Variants in CDKAL1 observed in about 807,000 individuals in gnomAD.
The protein encoded by CDKAL1 is threonylcarbamoyladenosine tRNA methylthiotransferase.
CDKAL1 carries 32 observed loss-of-function variants against 68.2 expected under a neutral mutation model. The observed-to-expected ratio is 0.47, with a 90% confidence interval of 0.35 to 0.63. The LOEUF is 0.63. Ranked by LOEUF, CDKAL1 falls within the 30% of genes least tolerant of loss-of-function variation. CDKAL1 has a pLI of 0.00. For missense variants in CDKAL1, 606 were observed against 696.7 expected, an observed-to-expected ratio of 0.87 and a Z score of 1.47; for synonymous variants, 234 against 244.3, an observed-to-expected ratio of 0.96 and a Z score of 0.39.
At chr6:20,623,948 C>G (rs9465837) in intron 4 of CDKAL1, among the ~76,000 whole-genome samples, 27,192 of 151,964 alleles carry the variant, frequency 0.18, 2,571 homozygotes, top group East Asian at 0.37. Flanking sequence ...ATGTAAATCT[C>G]TTTGATCCTG....
chr6:20,695,788 C>T (rs1485798962), intron 5 of CDKAL1, among the ~76,000 whole-genome samples: 1 of 151,944 alleles, frequency 6.6e-6, no homozygotes, highest in African/African-American at 2.4e-5. Context: ...ACATTTTATC[C>T]ATTTTTACCA....
At chr6:20,655,002 A>G (rs919857271) in intron 5 of CDKAL1, among the ~76,000 whole-genome samples, 1 of 152,178 alleles carries the variant, frequency 6.6e-6, no homozygotes, top group African/African-American at 2.4e-5. Flanking sequence ...GGAGAATTGA[A>G]TCTTCACAAT....
chr6:20,781,218 G>A lies in CDKAL1; in HGVS notation c.591G>A (p.Pro197=), dbSNP rs34113701. The part of the protein sequence containing the change: ...RRLGGARLDL[P]KIRKNPLIEI... Reference sequence around the variant, plus strand: ...TTGGGGGAGCACGATTGGATTTGCCGAAGATTAGGAAGAATCCACTGATAG... The same window carrying A: ...TTGGGGGAGCACGATTGGATTTGCCAAAGATTAGGAAGAATCCACTGATAG... The change falls in exon 8 of 16, where the codon CCG becomes CCA. Residue 197 remains proline (P), a synonymous_variant. Transcript: ENST00000274695. 535 of 1,613,458 alleles carry A rather than the reference G, an allele frequency of 3.3e-4. 2 individuals are homozygous for A. The African/African-American group carries it at 5.7e-3, about 17-fold the overall frequency.
chr6:21,114,058 C>CT (rs752167866), intron 13 of CDKAL1, among the ~76,000 whole-genome samples: 2 of 151,406 alleles, frequency 1.3e-5, no homozygotes, highest in Non-Finnish European at 2.9e-5. Flanking sequence ...ACCATCCTGG[C>CT]TAACGCAGTG....
intron 10 of CDKAL1, among the ~76,000 whole-genome samples, chr6:20,974,199 G>C (rs868562312): frequency 1.3e-5 from 2 of 152,178 alleles, no homozygotes; most frequent in Non-Finnish European, 2.9e-5. Flanking sequence ...TAGCATCCCA[G>C]GCTGCAGAAG....
intron 10 of CDKAL1, among the ~76,000 whole-genome samples, chr6:20,960,949 C>G (rs572309251): frequency 1.3e-5 from 2 of 152,326 alleles, no homozygotes; most frequent in East Asian, 3.9e-4. Context: ...CTCTTAACTT[C>G]TTTCTCCTCT....
chr6:21,079,260 G>T (rs889193862), intron 12 of CDKAL1, among the ~76,000 whole-genome samples: 5 of 152,134 alleles, frequency 3.3e-5, no homozygotes, highest in South Asian at 4.1e-4. Context: ...GATTAAGATG[G>T]CCATATAAGC....
At chr6:21,132,905 G>A (rs1488140077) in intron 13 of CDKAL1, among the ~76,000 whole-genome samples, 2 of 151,936 alleles carry the variant, frequency 1.3e-5, no homozygotes, top group African/African-American at 4.8e-5. Flanking sequence ...ACAGAGCATG[G>A]GGATTGTTTA....
At chr6:20,595,759 T>C (rs981499158) in intron 4 of CDKAL1, among the ~76,000 whole-genome samples, 1 of 152,260 alleles carries the variant, frequency 6.6e-6, no homozygotes, top group Non-Finnish European at 1.5e-5. Flanking sequence ...CATTCTGGTT[T>C]TTGGAATTTT....
chr6:20,772,123 A>G (rs887835373), intron 7 of CDKAL1, among the ~76,000 whole-genome samples: 1 of 152,152 alleles, frequency 6.6e-6, no homozygotes, highest in African/African-American at 2.4e-5. Context: ...TGCTTTCAAC[A>G]CTGGCTACAG....
At chr6:21,097,446 C>T (rs1336926371) in intron 12 of CDKAL1, among the ~76,000 whole-genome samples, 4 of 149,314 alleles carry the variant, frequency 2.7e-5, no homozygotes, top group Non-Finnish European at 5.9e-5. Context: ...TCAGCCTGGT[C>T]GACAGAGCAA....
At chr6:20,774,256 T>A (rs1024563709) in intron 7 of CDKAL1, among the ~76,000 whole-genome samples, 6 of 152,202 alleles carry the variant, frequency 3.9e-5, no homozygotes, top group Non-Finnish European at 5.9e-5. Context: ...AGATCATTGG[T>A]ATTTCTGTAA....
chr6:20,726,948 C>T (rs954078899), intron 5 of CDKAL1, among the ~76,000 whole-genome samples: 13 of 152,102 alleles, frequency 8.5e-5, no homozygotes, highest in South Asian at 4.2e-4. Flanking sequence ...TTTGTGCAGC[C>T]CCTATAAACT....
intron 13 of CDKAL1, among the ~76,000 whole-genome samples, chr6:21,133,479 G>C (rs965033261): frequency 1.3e-5 from 2 of 152,132 alleles, no homozygotes; most frequent in Admixed American, 1.3e-4. Flanking sequence ...TGTTCTTGGC[G>C]TTTTCTGCCT....
At chr6:20,650,599 T>A (rs772331897) in intron 5 of CDKAL1, among the ~76,000 whole-genome samples, 16 of 152,216 alleles carry the variant, frequency 1.1e-4, no homozygotes, top group Non-Finnish European at 2.1e-4. Flanking sequence ...CGAAATTGCT[T>A]TTGATGTTTT....
In CDKAL1 at chr6:20,867,459, G is replaced by T. The variant is rs532684563; in HGVS notation, c.742+21281G>T. On this transcript the variant is annotated intron_variant, in intron 9 of 15. Transcript: ENST00000274695. ...CATTTTGTGAATGTTCAAAAAACAC[G>T]ATTTATGTTTGAAGTGTATCGTGTT... 9.5e-4 allele frequency among the ~76,000 whole-genome samples: 144 copies of T among 152,298 alleles called. 1 individual carries two copies. The highest frequency in any genetic ancestry group is 1.8e-3 in the Non-Finnish European group (120 of 68,022).
chr6:20,818,724 ATATAGT>A (rs1248340209), intron 8 of CDKAL1, among the ~76,000 whole-genome samples: 1 of 150,344 alleles, frequency 6.7e-6, no homozygotes, highest in African/African-American at 2.4e-5. Context: ...TTGTATAACT[ATATAGT>A]TATATACTTA....
At chr6:20,832,687 A>G (rs916038057) in intron 8 of CDKAL1, among the ~76,000 whole-genome samples, 3 of 152,070 alleles carry the variant, frequency 2.0e-5, no homozygotes, top group Non-Finnish European at 1.5e-5. Context: ...ATTAAGGAGG[A>G]TATAAAATTA....
At chr6:20,609,388 TC>T (rs1354987783) in intron 4 of CDKAL1, among the ~76,000 whole-genome samples, 14 of 108,338 alleles carry the variant, frequency 1.3e-4, no homozygotes, top group African/African-American at 4.3e-4. Flanking sequence ...TTCTTCTTCT[TC>T]TTCTTCTTCT....
Sources: allele counts gnomAD v4.1 joint callset (sites outside exome capture counted in the v4.1 genomes callset), GRCh38; gene constraint gnomAD v4.1.1; transcripts MANE v1.5; gene names NCBI Gene and HGNC (gene_info 2026-07-23, HGNC 2026-07-21).